RGS6: variants seen among roughly 807,000 people sequenced by gnomAD.
RGS6 encodes regulator of G-protein signaling 6.
Under a neutral mutation model 78.5 loss-of-function variants are expected in RGS6, and 30 were observed. The ratio of observed to expected loss-of-function variants is 0.38; its 90% CI spans 0.29 to 0.52. The LOEUF (loss-of-function observed/expected upper bound fraction) is 0.52, where lower values mean the gene tolerates loss of function less well. RGS6 is among the 20% of genes least tolerant of loss of function. The pLI is 0.85. For missense variants in RGS6, 495 were observed against 609.7 expected (o/e 0.81, Z 1.98); for synonymous variants, 206 against 206.0 (o/e 1.00, Z 0.00).
At chr14:71,879,681 C>T in the RGS6 span, among the ~76,000 whole-genome samples, 11 of 152,268 alleles carry the variant, frequency 7.2e-5, no homozygotes, top group African/African-American at 9.6e-5. Context: ...ATGTGCCTTT[C>T]GCCTTCTACT....
chr14:72,237,601 G>C (rs2051452028), intron 2 of RGS6, among the ~76,000 whole-genome samples: 2 of 152,134 alleles, frequency 1.3e-5, no homozygotes, highest in Non-Finnish European at 2.9e-5. Context: ...CTAGAACCCT[G>C]GTTTCCTAAC....
intron 14 of RGS6, among the ~76,000 whole-genome samples, chr14:72,513,074 C>T (rs2096898415): frequency 6.6e-6 from 1 of 152,240 alleles, no homozygotes. Flanking sequence ...GGCATTGGAG[C>T]ATGGCAGGAA....
At chr14:72,149,115 G>A (rs944191589) in intron 2 of RGS6, among the ~76,000 whole-genome samples, 1 of 152,196 alleles carries the variant, frequency 6.6e-6, no homozygotes, top group Non-Finnish European at 1.5e-5. Flanking sequence ...GGCCGAACTT[G>A]AGCAGGGGTT....
chr14:71,989,727 ACT>A (rs1225052182), intron 2 of RGS6, among the ~76,000 whole-genome samples: 8 of 151,908 alleles, frequency 5.3e-5, no homozygotes, highest in Non-Finnish European at 1.0e-4. Flanking sequence ...GCTGTGATAG[ACT>A]CTAAGCCGTA....
intron 17 of RGS6, chr14:72,547,106 A>T: frequency 2.0e-6 from 3 of 1,466,142 alleles, no homozygotes; most frequent in Non-Finnish European, 2.8e-6. Context: ...CCGCAGGATA[A>T]ACAGCGGGAA....
intron 2 of RGS6, among the ~76,000 whole-genome samples, chr14:71,975,558 A>G (rs1408312261): frequency 1.3e-5 from 2 of 151,954 alleles, no homozygotes; most frequent in East Asian, 1.9e-4. Flanking sequence ...TCCTGGAATC[A>G]AGTGATTCTC....
In RGS6 at chr14:72,562,675, G is replaced by A. The variant is rs72547273; in HGVS notation, c.*208G>A. 3.8e-5 allele frequency: 59 copies of A among 1,536,158 alleles called. No homozygotes were observed. Among genetic ancestry groups the A allele is most frequent in the Admixed American group, 2.5e-4 (13 of 51,002 alleles). On this transcript the variant is annotated 3_prime_UTR_variant, in exon 18 of 18. Coordinates refer to ENST00000553525, the MANE Select transcript of RGS6 (RefSeq NM_001204424.2). Reference sequence around the variant, plus strand: ...AGTCCACAGAGCCTGGGCTGGGCCCGGTGGAGGCTCCTGTTTACAGCCCTC... The same window carrying A: ...AGTCCACAGAGCCTGGGCTGGGCCCAGTGGAGGCTCCTGTTTACAGCCCTC...
chr14:71,964,911 G>T (rs775916565), intron 2 of RGS6, 36 bp downstream of exon 2: 10 of 1,546,068 alleles, frequency 6.5e-6, no homozygotes, highest in Non-Finnish European at 8.0e-6. Flanking sequence ...CGTGCTGTCC[G>T]TGTGGACTGT....
chr14:72,262,455 T>C (rs1469159995), intron 2 of RGS6, among the ~76,000 whole-genome samples: 1 of 152,204 alleles, frequency 6.6e-6, no homozygotes, highest in African/African-American at 2.4e-5. Flanking sequence ...TCTCTTCCTC[T>C]TCTTCTAAAG....
intron 2 of RGS6, among the ~76,000 whole-genome samples, chr14:72,093,758 C>A (rs1197671133): frequency 6.6e-6 from 1 of 152,066 alleles, no homozygotes; most frequent in African/African-American, 2.4e-5. Context: ...TGAACAGACA[C>A]CTTTACAAGT....
chr14:72,040,034 T>C (rs1245134621), intron 2 of RGS6, among the ~76,000 whole-genome samples: 2 of 152,142 alleles, frequency 1.3e-5, no homozygotes, highest in East Asian at 3.8e-4. Context: ...TTATACCTTT[T>C]TATATTGCAT....
intron 3 of RGS6, among the ~76,000 whole-genome samples, chr14:72,394,485 C>T (rs933154337): frequency 9.9e-5 from 15 of 152,120 alleles, no homozygotes; most frequent in African/African-American, 3.4e-4. Context: ...ATTCCTAGAG[C>T]GGCCATTTTA....
At chr14:72,042,129 C>CTTT (rs202194668) in intron 2 of RGS6, among the ~76,000 whole-genome samples, 6 of 134,518 alleles carry the variant, frequency 4.5e-5, no homozygotes, top group East Asian at 4.2e-4. Context: ...TTTTCTTTTT[C>CTTT]TTTTTTTTTT....
intron 2 of RGS6, among the ~76,000 whole-genome samples, chr14:72,037,810 A>T (rs1250590884): frequency 6.7e-6 from 1 of 148,914 alleles, no homozygotes; most frequent in Non-Finnish European, 1.5e-5. Flanking sequence ...CAAAACATCA[A>T]TTTACACACT....
chr14:72,614,238 G>A, the RGS6 span, among the ~76,000 whole-genome samples: 2 of 152,182 alleles, frequency 1.3e-5, no homozygotes, highest in Admixed American at 6.5e-5. Flanking sequence ...TTCTGACCAC[G>A]GACCAGTTAG....
chr14:71,904,957 A>G, the RGS6 span, among the ~76,000 whole-genome samples: 1 of 151,988 alleles, frequency 6.6e-6, no homozygotes. Flanking sequence ...CAACTTTGAA[A>G]TCACATGAAA....
intron 2 of RGS6, among the ~76,000 whole-genome samples, chr14:71,996,081 G>T (rs1346614987): frequency 6.6e-6 from 1 of 152,106 alleles, no homozygotes; most frequent in Non-Finnish European, 1.5e-5. Context: ...TGTATATCCT[G>T]CAGGCAAGAA....
intron 2 of RGS6, among the ~76,000 whole-genome samples, chr14:72,162,007 G>T (rs954819081): frequency 6.6e-6 from 1 of 152,070 alleles, no homozygotes; most frequent in South Asian, 2.1e-4. Flanking sequence ...TGTAATATAC[G>T]CAAGGGCAAG....
intron 2 of RGS6, among the ~76,000 whole-genome samples, chr14:72,021,583 C>A (rs752462624): frequency 6.6e-6 from 1 of 151,556 alleles, no homozygotes; most frequent in Non-Finnish European, 1.5e-5. Context: ...ATTCTCCTGC[C>A]TCAGCCTCCC....
Sources: allele counts gnomAD v4.1 joint callset (sites outside exome capture counted in the v4.1 genomes callset), GRCh38; gene constraint gnomAD v4.1.1; transcripts MANE v1.5; gene names NCBI Gene and HGNC (gene_info 2026-07-23, HGNC 2026-07-21).